The following CFAP47 variants were observed in gnomAD, a reference collection of about 807,000 sequenced individuals.
CFAP47 encodes cilia- and flagella-associated protein 47.
A neutral mutation model predicts 148.1 loss-of-function variants in CFAP47; 29 were observed. That is an observed-to-expected ratio of 0.20 (90% CI 0.15 to 0.27). The LOEUF (loss-of-function observed/expected upper bound fraction) is 0.27. CFAP47 is among the 10% of genes least tolerant of loss of function. CFAP47 has a pLI of 1.00. For synonymous variants in CFAP47, 664 were observed against 577.3 expected, an observed-to-expected ratio of 1.15 and a Z score of -2.15; for missense variants, 1,872 against 1,697.5, an observed-to-expected ratio of 1.10 and a Z score of -1.81.
intron 38 of CFAP47, among the ~76,000 whole-genome samples, chrX:36,160,254 A>C (rs1939413693): frequency 9.0e-6 from 1 of 111,450 alleles, no homozygotes; most frequent in African/African-American, 3.3e-5. Context: ...GTCACTTCCT[A>C]TGTGTAATCT....
intron 33 of CFAP47, among the ~76,000 whole-genome samples, chrX:36,134,884 TAAAC>T (rs1343024343): frequency 9.1e-6 from 1 of 110,196 alleles, no homozygotes; most frequent in Non-Finnish European, 1.9e-5. Flanking sequence ...AACAAGAAAA[TAAAC>T]AACCAAATTT....
intron 39 of CFAP47, among the ~76,000 whole-genome samples, chrX:36,164,290 T>G (rs2336658): frequency 0.14 from 15,391 of 111,168 alleles, 1,041 homozygotes; most frequent in East Asian, 0.29. Context: ...ATCTAACTAT[T>G]AATGTTGATC....
At chrX:35,937,122 T>G (rs938315032) in intron 2 of CFAP47, among the ~76,000 whole-genome samples, 1 of 77,800 alleles carries the variant, frequency 1.3e-5, no homozygotes, top group Non-Finnish European at 2.4e-5. Context: ...TTTTTTTTTT[T>G]TTTTTTTTTT....
intron 7 of CFAP47, among the ~76,000 whole-genome samples, chrX:35,955,111 C>T (rs908113094): frequency 1.8e-5 from 2 of 112,142 alleles, no homozygotes; most frequent in Non-Finnish European, 3.8e-5. Context: ...TTTCCTCCTT[C>T]GTCTTCACTT....
chrX:35,957,454 T>TAC (rs2146649341), intron 8 of CFAP47, among the ~76,000 whole-genome samples: 1 of 112,046 alleles, frequency 8.9e-6, no homozygotes, highest in East Asian at 2.8e-4. Context: ...AACTATTGTA[T>TAC]ACATGTTTAT....
chrX:36,362,910 ATGTT>A (rs1350326215), intron 61 of CFAP47, among the ~76,000 whole-genome samples: 1 of 111,623 alleles, frequency 9.0e-6, no homozygotes, highest in African/African-American at 3.3e-5. Flanking sequence ...ACAGTTTTCT[ATGTT>A]TGTTAATTTT....
chrX:35,975,289 A>T lies in CFAP47; in HGVS notation c.2397A>T (p.Ser799=), dbSNP rs763237448. The change falls in exon 14 of 64, where the codon TCA becomes TCT. Residue 799 remains serine, a synonymous_variant. Transcript: ENST00000378653. ...AACTTCAGAAGACCAACCAATTTTC[A>T]TACGTGATTCTACCTACATCCAGTA... The part of the protein sequence containing the change: ...LEELQKTNQF[S]YVILPTSSTY... 2 of 1,208,308 alleles carry T rather than the reference A, an allele frequency of 1.7e-6. No homozygotes were observed. Among genetic ancestry groups the T allele is most frequent in the Non-Finnish European group, 2.2e-6 (2 of 892,919 alleles).
chrX:36,233,062 T>G (rs1276252491), intron 46 of CFAP47, among the ~76,000 whole-genome samples: 22 of 111,519 alleles, frequency 2.0e-4, no homozygotes, highest in African/African-American at 6.5e-4. Context: ...GAATAGGTGT[T>G]GTGTGGTGCT....
At chrX:36,039,329 A>C (rs892332120) in intron 25 of CFAP47, 150 bp downstream of exon 25, 3 of 313,464 alleles carry the variant, frequency 9.6e-6, no homozygotes, top group Non-Finnish European at 1.6e-5. Context: ...TAACAAAAAA[A>C]CCAAAAAATC....
chrX:36,308,409 C>G (rs781836389), intron 55 of CFAP47, among the ~76,000 whole-genome samples: 1 of 110,747 alleles, frequency 9.0e-6, no homozygotes, highest in African/African-American at 3.3e-5. Context: ...ATTGCTGTAA[C>G]CTTTGTGATT....
intron 57 of CFAP47, among the ~76,000 whole-genome samples, chrX:36,321,108 C>T (rs782099718): frequency 9.0e-6 from 1 of 111,491 alleles, no homozygotes; most frequent in East Asian, 2.8e-4. Flanking sequence ...TTCACAATAG[C>T]CCAGATTTGG....
intron 33 of CFAP47, among the ~76,000 whole-genome samples, chrX:36,135,461 AAAC>A (rs762344569): frequency 1.5e-4 from 17 of 111,629 alleles, no homozygotes; most frequent in Non-Finnish European, 3.0e-4. Flanking sequence ...TCAACAATGA[AAAC>A]AACAACGACT....
chrX:36,271,344 C>T (rs782763471), intron 49 of CFAP47, among the ~76,000 whole-genome samples: 16 of 111,466 alleles, frequency 1.4e-4, no homozygotes, highest in Non-Finnish European at 2.3e-4. Flanking sequence ...CCTTACAGTA[C>T]GTCTCCTTAG....
intron 24 of CFAP47, among the ~76,000 whole-genome samples, chrX:36,037,638 A>G (rs1013739146): frequency 1.8e-5 from 2 of 111,045 alleles, no homozygotes; most frequent in Non-Finnish European, 3.8e-5. Flanking sequence ...TGAATCTCCA[A>G]TAGTCTGAAG....
intron 29 of CFAP47, among the ~76,000 whole-genome samples, chrX:36,084,151 G>T (rs1938037808): frequency 9.1e-6 from 1 of 110,226 alleles, no homozygotes; most frequent in African/African-American, 3.3e-5. Context: ...GTACCTTATT[G>T]TTCCATGGCA....
At position 36,245,637 on chromosome X, in the gene CFAP47, A is replaced by G. The variant is rs186122861; in HGVS notation, c.7333-5696A>G. Among the ~76,000 whole-genome samples, 21 of 111,735 alleles carry G rather than the reference A, an allele frequency of 1.9e-4. No individual in the cohort carries two copies. In the East Asian group the frequency reaches 5.7e-3, roughly 30 times the overall value. ...CAGGAAGACAGCTAAGCAAGGAGGT[A>G]GAAGATCTCTGCAAAGGAAAATGTG... On this transcript the variant is annotated intron_variant, in intron 48 of 63. Transcript: ENST00000378653.
intron 57 of CFAP47, among the ~76,000 whole-genome samples, chrX:36,323,913 A>G (rs986904234): frequency 1.3e-4 from 15 of 111,396 alleles, no homozygotes; most frequent in Admixed American, 3.8e-4. Flanking sequence ...ATTTCTAGAA[A>G]TTATTTCCTT....
At chrX:36,162,676 T>A (rs1446466561) in intron 39 of CFAP47, among the ~76,000 whole-genome samples, 4 of 111,810 alleles carry the variant, frequency 3.6e-5, no homozygotes. Context: ...AGAGATAGGA[T>A]TAGCTGACCA....
intron 8 of CFAP47, among the ~76,000 whole-genome samples, chrX:35,962,947 G>A (rs899896929): frequency 0.017 from 1,849 of 107,752 alleles, 46 homozygotes; most frequent in African/African-American, 0.059. Context: ...GTGTGTGTGT[G>A]TGTGTGTGTG....
Sources: gnomAD v4.1 joint callset for allele counts (sites outside exome capture counted in the v4.1 genomes callset) on GRCh38, gnomAD v4.1.1 for gene constraint, MANE v1.5 for transcripts, NCBI Gene and HGNC (gene_info 2026-07-23, HGNC 2026-07-21) for gene names.